GABRB1: variants seen among roughly 807,000 people sequenced by gnomAD.
GABRB1 encodes the protein gamma-aminobutyric acid type A receptor subunit beta1.
In GABRB1, 17 loss-of-function variants were observed where a neutral mutation model predicts 51.6. The ratio of observed to expected loss-of-function variants is 0.33; its 90% CI spans 0.23 to 0.49. GABRB1 has a LOEUF of 0.49. Ranked by LOEUF, GABRB1 falls within the 20% of genes least tolerant of loss-of-function variation. GABRB1 has a pLI of 0.99. For synonymous variants in GABRB1, 247 were observed against 218.9 expected (o/e 1.13, Z -1.14); for missense variants, 410 against 600.6 (o/e 0.68, Z 3.32).
intron 3 of GABRB1, among the ~76,000 whole-genome samples, chr4:47,092,868 C>T (rs547705088): frequency 6.6e-6 from 1 of 152,256 alleles, no homozygotes; most frequent in East Asian, 1.9e-4. Flanking sequence ...CCGCTTCGGC[C>T]TCCCAGAGTG....
chr4:47,286,600 T>A (rs200301724), intron 4 of GABRB1, among the ~76,000 whole-genome samples: 4 of 149,228 alleles, frequency 2.7e-5, no homozygotes, highest in Non-Finnish European at 5.9e-5. Flanking sequence ...AAGAAAAAAA[T>A]AAAAAACTGT....
chr4:47,275,982 T>C (rs928887171), intron 4 of GABRB1, among the ~76,000 whole-genome samples: 1 of 152,156 alleles, frequency 6.6e-6, no homozygotes, highest in African/African-American at 2.4e-5. Context: ...AGCAAACTGA[T>C]TACCATATGC....
chr4:47,208,869 C>T (rs6447540), intron 4 of GABRB1, among the ~76,000 whole-genome samples: 5,419 of 152,176 alleles, frequency 0.036, 145 homozygotes, highest in Non-Finnish European at 0.058. Context: ...AGACCAACTA[C>T]ATTGCTCAGC....
chr4:47,368,789 T>G (rs1372831338), intron 5 of GABRB1, among the ~76,000 whole-genome samples: 1 of 151,906 alleles, frequency 6.6e-6, no homozygotes, highest in Admixed American at 6.6e-5. Flanking sequence ...ATGTTAGTGG[T>G]CATACACTAC....
intron 5 of GABRB1, among the ~76,000 whole-genome samples, chr4:47,333,194 T>TATATA (rs1725556979): frequency 1.8e-5 from 2 of 113,214 alleles, no homozygotes; most frequent in African/African-American, 3.2e-5. Context: ...CCCATTTTAT[T>TATATA]TATATATATA....
At chr4:47,252,952 T>A (rs1476093218) in intron 4 of GABRB1, among the ~76,000 whole-genome samples, 1 of 152,222 alleles carries the variant, frequency 6.6e-6, no homozygotes, top group Non-Finnish European at 1.5e-5. Flanking sequence ...CTTTTTATAG[T>A]ACTTACCACA....
At chr4:47,270,618 T>C (rs748780054) in intron 4 of GABRB1, among the ~76,000 whole-genome samples, 9 of 152,226 alleles carry the variant, frequency 5.9e-5, no homozygotes, top group Non-Finnish European at 1.0e-4. Context: ...CATGCCTTCT[T>C]GTATTTGTCA....
chr4:47,117,101 T>C (rs910577233), intron 3 of GABRB1, among the ~76,000 whole-genome samples: 4 of 151,994 alleles, frequency 2.6e-5, no homozygotes, highest in Non-Finnish European at 5.9e-5. Context: ...CCAAACCATA[T>C]CAGCAAGCAT....
At chr4:47,189,055 C>G (rs1028570895) in intron 4 of GABRB1, among the ~76,000 whole-genome samples, 2 of 151,824 alleles carry the variant, frequency 1.3e-5, no homozygotes, top group African/African-American at 2.4e-5. Context: ...GAGTCCTGAG[C>G]GTGGAAAGGG....
At chr4:47,128,656 T>A (rs2109667369) in intron 3 of GABRB1, among the ~76,000 whole-genome samples, 1 of 152,176 alleles carries the variant, frequency 6.6e-6, no homozygotes, top group East Asian at 1.9e-4. Context: ...TTTTATTTCT[T>A]CATATTTCAG....
At chr4:47,208,849 T>A (rs1303791570) in intron 4 of GABRB1, among the ~76,000 whole-genome samples, 1 of 152,132 alleles carries the variant, frequency 6.6e-6, no homozygotes, top group Non-Finnish European at 1.5e-5. Flanking sequence ...AGACATGACC[T>A]AAGGGCCTAA....
chr4:47,350,218 T>TAGAGAGAGAGAGAGAGAG (rs59905765), intron 5 of GABRB1, among the ~76,000 whole-genome samples: 16 of 56,652 alleles, frequency 2.8e-4, no homozygotes, highest in African/African-American at 9.6e-4. Context: ...TATATATATA[T>TAGAGAGAGAGAGAGAGAG]AGAGAGAGAG....
chr4:47,174,881 C>T (rs1317029552), intron 4 of GABRB1, among the ~76,000 whole-genome samples: 1 of 144,788 alleles, frequency 6.9e-6, no homozygotes, highest in African/African-American at 2.6e-5. Flanking sequence ...CCCTCCCTCC[C>T]TTCCTTCTTT....
At chr4:47,335,091 G>A (rs1003604391) in intron 5 of GABRB1, among the ~76,000 whole-genome samples, 3 of 152,108 alleles carry the variant, frequency 2.0e-5, no homozygotes, top group Non-Finnish European at 4.4e-5. Context: ...CTCATTTTAA[G>A]TAACCTAGTC....
At chr4:47,124,749 A>G (rs1469596406) in intron 3 of GABRB1, among the ~76,000 whole-genome samples, 2 of 152,112 alleles carry the variant, frequency 1.3e-5, no homozygotes, top group Admixed American at 6.6e-5. Flanking sequence ...TCAACAGCAG[A>G]CTTGATTAAG....
intron 8 of GABRB1, among the ~76,000 whole-genome samples, chr4:47,409,044 G>A (rs566435076): frequency 6.4e-4 from 97 of 152,290 alleles, no homozygotes; most frequent in African/African-American, 2.3e-3. Flanking sequence ...TCCCTGATAC[G>A]CTCATCTGTT....
intron 4 of GABRB1, among the ~76,000 whole-genome samples, chr4:47,270,707 T>A (rs1225661466): frequency 6.6e-6 from 1 of 152,170 alleles, no homozygotes; most frequent in Admixed American, 6.6e-5. Context: ...CTTGGAACAT[T>A]CGGTACTCTT....
intron 5 of GABRB1, among the ~76,000 whole-genome samples, chr4:47,345,488 G>C (rs1287396565): frequency 6.6e-6 from 1 of 152,172 alleles, no homozygotes; most frequent in Non-Finnish European, 1.5e-5. Flanking sequence ...TAGGCAAAGA[G>C]GAGTTGAAAG....
chr4:47,183,761 C>T (rs1410383091), intron 4 of GABRB1, among the ~76,000 whole-genome samples: 2 of 151,868 alleles, frequency 1.3e-5, no homozygotes, highest in Non-Finnish European at 2.9e-5. Flanking sequence ...ATACAACTCA[C>T]ATAACTCAGT....
Sources: gnomAD v4.1 joint callset for allele counts (sites outside exome capture counted in the v4.1 genomes callset) on GRCh38, gnomAD v4.1.1 for gene constraint, MANE v1.5 for transcripts, NCBI Gene and HGNC (gene_info 2026-07-23, HGNC 2026-07-21) for gene names.